ZNF536: variants seen among roughly 807,000 people sequenced by gnomAD.
ZNF536 encodes zinc finger protein 536.
ZNF536 carries 13 observed loss-of-function variants against 84.5 expected under a neutral mutation model. The ratio of observed to expected loss-of-function variants is 0.15; its 90% CI spans 0.10 to 0.24. ZNF536 has a LOEUF of 0.24. Ranked by LOEUF, ZNF536 falls within the 10% of genes least tolerant of loss-of-function variation. ZNF536 has a pLI of 1.00. For missense variants in ZNF536, 1,536 were observed against 1,747.5 expected (o/e 0.88, Z 2.16); for synonymous variants, 811 against 742.5 (o/e 1.09, Z -1.50).
chr19:30,338,113 TATGATGATGATG>T (rs199973690), intron 2 of ZNF536, among the ~76,000 whole-genome samples: 2 of 150,472 alleles, frequency 1.3e-5, no homozygotes, highest in Non-Finnish European at 3.0e-5. Flanking sequence ...TGATTGTGAT[TATGATGATGATG>T]ATGGTGATGA....
intron 2 of ZNF536, among the ~76,000 whole-genome samples, chr19:30,460,022 A>C (rs1439672122): frequency 6.6e-6 from 1 of 152,204 alleles, no homozygotes; most frequent in East Asian, 1.9e-4. Context: ...CGGCAACCCC[A>C]TGGACTTACC....
intron 2 of ZNF536, among the ~76,000 whole-genome samples, chr19:30,331,511 G>T (rs886511512): frequency 1.3e-5 from 2 of 152,006 alleles, no homozygotes; most frequent in Non-Finnish European, 2.9e-5. Flanking sequence ...ACCGTCTCCT[G>T]AGGTGTGTGT....
chr19:30,512,198 A>G (rs183344737), intron 2 of ZNF536, among the ~76,000 whole-genome samples: 5 of 152,338 alleles, frequency 3.3e-5, no homozygotes, highest in African/African-American at 9.6e-5. Flanking sequence ...ATACTGCAAA[A>G]CACAGAATTT....
intron 1 of ZNF536, among the ~76,000 whole-genome samples, chr19:30,597,564 A>G (rs1017877832): frequency 2.0e-5 from 3 of 152,168 alleles, no homozygotes; most frequent in Non-Finnish European, 2.9e-5. Context: ...TAAGAGCACA[A>G]TCTGAAACCT....
chr19:30,521,632 G>C (rs1312394859), intron 2 of ZNF536, among the ~76,000 whole-genome samples: 2 of 152,206 alleles, frequency 1.3e-5, no homozygotes, highest in East Asian at 3.9e-4. Flanking sequence ...GTGAATATTG[G>C]CTGGACACCG....
chr19:30,699,640 C>T (rs1002176378), intron 1 of ZNF536, among the ~76,000 whole-genome samples: 5 of 152,092 alleles, frequency 3.3e-5, no homozygotes, highest in African/African-American at 7.2e-5. Flanking sequence ...ACTGAGAAAA[C>T]GGCTCTCTCT....
At chr19:30,584,447 G>T (rs991125134) in intron 1 of ZNF536, among the ~76,000 whole-genome samples, 2 of 152,200 alleles carry the variant, frequency 1.3e-5, no homozygotes, top group Non-Finnish European at 2.9e-5. Context: ...CTGCGGTTAC[G>T]CTTTCTTTCC....
intron 1 of ZNF536, among the ~76,000 whole-genome samples, chr19:30,594,040 C>T (rs1000069158): frequency 2.0e-5 from 3 of 152,208 alleles, no homozygotes; most frequent in African/African-American, 7.2e-5. Flanking sequence ...CGTGGAATGT[C>T]TTCCATGGGG....
intron 1 of ZNF536, among the ~76,000 whole-genome samples, chr19:30,617,112 A>G (rs2048323019): frequency 6.6e-6 from 1 of 151,146 alleles, no homozygotes; most frequent in Admixed American, 6.6e-5. Context: ...CTTATTGAAT[A>G]GCCTCCTTTT....
chr19:30,383,360 C>T (rs1194451855), intron 1 of ZNF536, among the ~76,000 whole-genome samples: 2 of 152,154 alleles, frequency 1.3e-5, no homozygotes, highest in African/African-American at 4.8e-5. Context: ...CTCCTGTATC[C>T]AGGAAGGTAG....
intron 1 of ZNF536, among the ~76,000 whole-genome samples, chr19:30,429,235 C>T (rs1209752937): frequency 6.6e-6 from 1 of 152,170 alleles, no homozygotes; most frequent in African/African-American, 2.4e-5. Context: ...TTCCTGAGCA[C>T]ACCTGCTAGT....
chr19:30,617,636 C>T (rs1007662566), intron 1 of ZNF536, among the ~76,000 whole-genome samples: 1 of 151,914 alleles, frequency 6.6e-6, no homozygotes, highest in Non-Finnish European at 1.5e-5. Context: ...AGGCATGAGC[C>T]ACCACACCTG....
chr19:30,659,450 A>C (rs1001929203), intron 1 of ZNF536, among the ~76,000 whole-genome samples: 1 of 152,132 alleles, frequency 6.6e-6, no homozygotes, highest in African/African-American at 2.4e-5. Context: ...CACCTCCATC[A>C]CTGGGGATTA....
At chr19:30,488,054 C>T (rs1664554876) in intron 2 of ZNF536, among the ~76,000 whole-genome samples, 1 of 152,164 alleles carries the variant, frequency 6.6e-6, no homozygotes, top group Non-Finnish European at 1.5e-5. Flanking sequence ...GCCGCCACAG[C>T]AGTTCCCAGG....
At chr19:30,639,346 T>A (rs1180313135) in intron 1 of ZNF536, among the ~76,000 whole-genome samples, 2 of 152,236 alleles carry the variant, frequency 1.3e-5, no homozygotes, top group Non-Finnish European at 2.9e-5. Flanking sequence ...AGTATTATCA[T>A]TTGAGCAGGT....
intron 2 of ZNF536, among the ~76,000 whole-genome samples, chr19:30,344,440 C>CAAAAAAAAA (rs10628847): frequency 1.4e-5 from 1 of 69,188 alleles, no homozygotes; most frequent in African/African-American, 5.7e-5. Flanking sequence ...AACTCCATCT[C>CAAAAAAAAA]AAAAAAAAAA....
At chr19:30,309,542 C>T (rs1042972153) in intron 2 of ZNF536, among the ~76,000 whole-genome samples, 13 of 152,222 alleles carry the variant, frequency 8.5e-5, no homozygotes, top group East Asian at 3.9e-4. Flanking sequence ...ATTTATCTTT[C>T]CCTCTGCTAC....
chr19:30,535,799 T>A (rs2045050219), intron 3 of ZNF536, among the ~76,000 whole-genome samples: 1 of 152,004 alleles, frequency 6.6e-6, no homozygotes, highest in African/African-American at 2.4e-5. Flanking sequence ...TCTATTGGAG[T>A]ATGAGCTGCT....
chr19:30,342,920 C>A (rs1305049804), intron 2 of ZNF536, among the ~76,000 whole-genome samples: 2 of 152,204 alleles, frequency 1.3e-5, no homozygotes, highest in African/African-American at 4.8e-5. Context: ...AACACCTGAA[C>A]AGATAATTTG....
Sources: gnomAD v4.1 joint callset for allele counts (sites outside exome capture counted in the v4.1 genomes callset) on GRCh38, gnomAD v4.1.1 for gene constraint, MANE v1.5 for transcripts, NCBI Gene and HGNC (gene_info 2026-07-23, HGNC 2026-07-21) for gene names.